CAMKMT: variants seen among roughly 807,000 people sequenced by gnomAD.
The protein encoded by CAMKMT is CaM KMT.
In CAMKMT, 53 loss-of-function variants were observed where a neutral mutation model predicts 48.0. The ratio of observed to expected loss-of-function variants is 1.10; its 90% CI spans 0.89 to 1.39. The LOEUF is 1.39. CAMKMT is among the 40% of genes most tolerant of loss of function. CAMKMT has a pLI of 0.00. For missense variants in CAMKMT, 428 were observed against 402.7 expected (o/e 1.06, Z -0.54); for synonymous variants, 165 against 152.3 (o/e 1.08, Z -0.61).
chr2:44,389,222 C>T (rs1463088286), intron 2 of CAMKMT, among the ~76,000 whole-genome samples: 2 of 152,076 alleles, frequency 1.3e-5, no homozygotes, highest in Admixed American at 1.3e-4. Context: ...CCAATACCTC[C>T]TCTTCTTATA....
At chr2:44,627,868 T>G (rs1006814071) in intron 3 of CAMKMT, among the ~76,000 whole-genome samples, 5 of 151,594 alleles carry the variant, frequency 3.3e-5, no homozygotes, top group African/African-American at 1.2e-4. Flanking sequence ...CCTGGCTAAT[T>G]TTTGTATTTT....
rs1996345 is a variant in CAMKMT at position 44,675,087 on chromosome 2, A to C, written c.377-29196A>C. Among the ~76,000 whole-genome samples the C allele has an allele frequency of 1.9e-4, 23 of 123,360 alleles. No homozygotes were observed. The Admixed American group carries it at 2.0e-3, about 11-fold the overall frequency. 80.9% of individuals were successfully genotyped at this position (123,360 alleles called of 152,430 possible). ...GGATTTACCAACCTTAAGGGGGGGA[A>C]AAAAAAAAAGGCAAGCCAGCAAATG... On this transcript the variant is annotated intron_variant, in intron 3 of 10. Coordinates refer to ENST00000378494, the MANE Select transcript of CAMKMT (RefSeq NM_024766.5).
chr2:44,571,478 T>A (rs1348059387), intron 3 of CAMKMT, among the ~76,000 whole-genome samples: 1 of 152,236 alleles, frequency 6.6e-6, no homozygotes, highest in Non-Finnish European at 1.5e-5. Flanking sequence ...ACAGTGTTAG[T>A]AGCTGGACAT....
At chr2:44,694,111 T>G (rs1291134146) in intron 3 of CAMKMT, among the ~76,000 whole-genome samples, 1 of 152,182 alleles carries the variant, frequency 6.6e-6, no homozygotes, top group Non-Finnish European at 1.5e-5. Context: ...GCCTTAGGAC[T>G]GTCCTCCAGG....
At chr2:44,467,661 A>G (rs777317877) in intron 3 of CAMKMT, among the ~76,000 whole-genome samples, 5 of 152,180 alleles carry the variant, frequency 3.3e-5, no homozygotes, top group Non-Finnish European at 7.4e-5. Flanking sequence ...GAAAACTAAC[A>G]TGTAGACCAA....
intron 3 of CAMKMT, among the ~76,000 whole-genome samples, chr2:44,576,408 G>C (rs962748147): frequency 1.3e-5 from 2 of 152,032 alleles, no homozygotes; most frequent in Non-Finnish European, 2.9e-5. Context: ...GAAGACACAG[G>C]GAATCTGAAG....
intron 3 of CAMKMT, among the ~76,000 whole-genome samples, chr2:44,612,626 G>T (rs996508171): frequency 3.3e-5 from 5 of 152,156 alleles, no homozygotes; most frequent in Non-Finnish European, 4.4e-5. Context: ...ATCATTAAAA[G>T]GTCCATGAAT....
At chr2:44,495,817 C>T (rs1461187772) in intron 3 of CAMKMT, among the ~76,000 whole-genome samples, 5 of 152,150 alleles carry the variant, frequency 3.3e-5, no homozygotes, top group African/African-American at 1.2e-4. Context: ...AGAAAGCCAC[C>T]AGTGAACAGG....
chr2:44,627,807 C>G (rs1672578167), intron 3 of CAMKMT, among the ~76,000 whole-genome samples: 1 of 134,422 alleles, frequency 7.4e-6, no homozygotes, highest in African/African-American at 2.8e-5. Context: ...TCAAGCGATT[C>G]TCATTCCTCA....
intron 7 of CAMKMT, among the ~76,000 whole-genome samples, chr2:44,736,965 G>A (rs989338333): frequency 6.6e-6 from 1 of 152,060 alleles, no homozygotes; most frequent in Non-Finnish European, 1.5e-5. Context: ...GTCAGTTTTC[G>A]ATTGAGTTCA....
At chr2:44,677,235 G>A (rs1206379513) in intron 3 of CAMKMT, among the ~76,000 whole-genome samples, 2 of 152,146 alleles carry the variant, frequency 1.3e-5, no homozygotes, top group Admixed American at 1.3e-4. Context: ...TTAATGGAGA[G>A]GCAGCATGAG....
At chr2:44,677,318 C>G (rs1161167152) in intron 3 of CAMKMT, among the ~76,000 whole-genome samples, 3 of 152,270 alleles carry the variant, frequency 2.0e-5, no homozygotes, top group East Asian at 3.9e-4. Flanking sequence ...TCTTCCCTGT[C>G]CCTTGTATTA....
intron 3 of CAMKMT, among the ~76,000 whole-genome samples, chr2:44,409,970 G>C (rs562781919): frequency 1.3e-5 from 2 of 152,108 alleles, no homozygotes; most frequent in Non-Finnish European, 2.9e-5. Context: ...CAAATAATTT[G>C]ATGAACTATA....
chr2:44,714,738 A>G (rs183617254), intron 6 of CAMKMT, among the ~76,000 whole-genome samples: 174 of 152,228 alleles, frequency 1.1e-3, no homozygotes, highest in Non-Finnish European at 2.2e-3. Context: ...TGGGACAGTC[A>G]TTTCCCACCA....
intron 3 of CAMKMT, among the ~76,000 whole-genome samples, chr2:44,586,094 T>TACAGAGGTAC (rs1558722700): frequency 1.4e-4 from 21 of 152,070 alleles, no homozygotes; most frequent in Non-Finnish European, 5.9e-5. Context: ...TACAGAGGTA[T>TACAGAGGTAC]GTACAGAGGT....
At chr2:44,597,237 A>T (rs1041950737) in intron 3 of CAMKMT, among the ~76,000 whole-genome samples, 3 of 152,224 alleles carry the variant, frequency 2.0e-5, no homozygotes, top group Non-Finnish European at 2.9e-5. Context: ...ACTTCCACAT[A>T]GACTAGTTAA....
chr2:44,592,193 C>T (rs1347684768), intron 3 of CAMKMT, among the ~76,000 whole-genome samples: 1 of 151,712 alleles, frequency 6.6e-6, no homozygotes, highest in Non-Finnish European at 1.5e-5. Context: ...TGCACATGTA[C>T]CCTAAAACTT....
At chr2:44,649,498 G>C (rs1558770125) in intron 3 of CAMKMT, among the ~76,000 whole-genome samples, 1 of 152,086 alleles carries the variant, frequency 6.6e-6, no homozygotes, top group Non-Finnish European at 1.5e-5. Context: ...GAGGGAGCCA[G>C]AGAAAGCATC....
At chr2:44,735,447 T>G (rs1427696709) in intron 7 of CAMKMT, among the ~76,000 whole-genome samples, 1 of 152,348 alleles carries the variant, frequency 6.6e-6, no homozygotes, top group Admixed American at 6.5e-5. Context: ...TGCTTGCTTT[T>G]GGATTAAATG....
Sources: allele counts gnomAD v4.1 joint callset (sites outside exome capture counted in the v4.1 genomes callset), GRCh38; gene constraint gnomAD v4.1.1; transcripts MANE v1.5; gene names NCBI Gene and HGNC (gene_info 2026-07-23, HGNC 2026-07-21).